Variants in NUP155 observed in about 807,000 individuals in gnomAD.
NUP155 encodes the protein nucleoporin 155.
Under a neutral mutation model 180.4 loss-of-function variants are expected in NUP155, and 71 were observed. The ratio of observed to expected loss-of-function variants is 0.39; its 90% CI spans 0.33 to 0.48. The LOEUF (loss-of-function observed/expected upper bound fraction) is 0.48. Among genes scored for constraint, NUP155 ranks in the 20% least tolerant of loss-of-function variants. The pLI, the probability that NUP155 is intolerant of heterozygous loss-of-function variation, is 0.91. For missense variants in NUP155, 1,553 were observed against 1,648.9 expected (o/e 0.94, Z 1.01); for synonymous variants, 582 against 559.5 (o/e 1.04, Z -0.57).
rs775035983 is a variant in NUP155 at position 37,324,044 on chromosome 5, C to G, written c.2155G>C (p.Glu719Gln). Residue 719 changes from glutamate to glutamine, a missense_variant, in exon 20 of 35, where the codon GAA becomes CAA. By Grantham distance (29) the Glu-to-Gln change is conservative (BLOSUM62 2). Transcript: ENST00000231498. ...SVLQELKGLQ[E>Q]FLDRNSQFAG... Reference sequence around the variant, plus strand: ...AACTGGGAGTTTCTGTCTAGAAATTCCTGCAAACCCTTTAGTTCTTGTAGC... The same window carrying G: ...AACTGGGAGTTTCTGTCTAGAAATTGCTGCAAACCCTTTAGTTCTTGTAGC... 3.1e-6 allele frequency: 5 copies of G among 1,613,730 alleles called. No individual in the cohort carries two copies. Among genetic ancestry groups the G allele is most frequent in the Admixed American group, 3.3e-5 (2 of 59,972 alleles).
chr5:37,370,516 T>C, intron 1 of NUP155: 1 of 577,700 alleles, frequency 1.7e-6, no homozygotes, highest in South Asian at 2.2e-5. Context: ...TGGAGATGCT[T>C]CTCATATGGC....
intron 7 of NUP155, among the ~76,000 whole-genome samples, chr5:37,349,793 T>C (rs13165088): frequency 0.14 from 21,148 of 152,206 alleles, 1,801 homozygotes; most frequent in East Asian, 0.3. Flanking sequence ...TCTCAGTTCA[T>C]TAAAAGCTAA....
chr5:37,303,601 T>A lies in NUP155; in HGVS notation c.3163-187A>T, dbSNP rs1742981125. ...TTTCTTATTATAAACAATTTTTGTT[T>A]TACCACAGTTAGCATAAGAGTTTCC... is the stretch of plus-strand genomic sequence containing the variant. On this transcript the variant is annotated intron_variant, in intron 27 of 34. Transcript: ENST00000231498. 2.6e-5 allele frequency among the ~76,000 whole-genome samples: 4 copies of A among 152,234 alleles called. No individual in the cohort carries two copies. The South Asian group carries it at 8.3e-4, about 31-fold the overall frequency.
At chr5:37,357,969 C>T in intron 4 of NUP155, 112 bp downstream of exon 4, 1 of 755,228 alleles carries the variant, frequency 1.3e-6, no homozygotes, top group Non-Finnish European at 2.4e-6. Flanking sequence ...CTCCAGCCTA[C>T]TCGATGGAAC....
chr5:37,342,274 T>A (rs1393130763), intron 10 of NUP155: 1 of 347,484 alleles, frequency 2.9e-6, no homozygotes, highest in East Asian at 6.5e-5. Context: ...CTTGAACTCC[T>A]GGGCTCAGGC....
chr5:37,288,747 T>TAAAAAAA lies in NUP155; in HGVS notation c.*3146_*3152dup, dbSNP rs1224427809. 6 of 61,632 alleles carry TAAAAAAA rather than the reference T, an allele frequency of 9.7e-5. No individual in the cohort carries two copies. The highest frequency in any genetic ancestry group is 2.7e-4 in the Admixed American group (1 of 3,670). 3.8% of individuals were successfully genotyped at this position (61,632 alleles called of 1,614,324 possible). A position where few individuals can be genotyped will look rare whatever the true frequency, so the allele number is the denominator to read the frequency against. On this transcript the variant is annotated 3_prime_UTR_variant, in exon 35 of 35. Coordinates refer to ENST00000231498, the MANE Select transcript of NUP155 (RefSeq NM_153485.3). ...GAGATCTTTTGGCTACACAAAAAATTAAAAAAAAAAAAAAAAAAAAAGTAG... is the reference window on the plus strand; with the variant it reads ...GAGATCTTTTGGCTACACAAAAAATTAAAAAAAAAAAAAAAAAAAAAAAAAAAAGTAG...
At chr5:37,320,389 A>G (rs1207430941) in intron 20 of NUP155, among the ~76,000 whole-genome samples, 1 of 152,236 alleles carries the variant, frequency 6.6e-6, no homozygotes, top group Non-Finnish European at 1.5e-5. Context: ...AGGCAGGAGC[A>G]TCGCTTGAAC....
chr5:37,336,183 T>C lies in NUP155; in HGVS notation c.1347+1635A>G, dbSNP rs560701979. Among the ~76,000 whole-genome samples the C allele has an allele frequency of 5.3e-5, 8 of 152,140 alleles. No individual in the cohort carries two copies. In the South Asian group the frequency reaches 1.7e-3, roughly 32 times the overall value. ...AAATTATATGACATGCAGCATTTGT[T>C]CTAAAAAAAAAGTTAGGTGGAGGAC... is the stretch of plus-strand genomic sequence containing the variant. On this transcript the variant is annotated intron_variant, in intron 12 of 34. Transcript: ENST00000231498.
intron 30 of NUP155, among the ~76,000 whole-genome samples, chr5:37,300,156 C>A (rs1167137074): frequency 6.6e-6 from 1 of 151,570 alleles, no homozygotes; most frequent in Admixed American, 6.6e-5. Context: ...TTCATTTTTT[C>A]AAATTTCTGT....
Position 37,370,991 on chromosome 5 carries a change from G to A in NUP155, c.-14C>T. 1.2e-6 allele frequency: 2 copies of A among 1,613,150 alleles called. No individual in the cohort carries two copies. The highest frequency in any genetic ancestry group is 1.7e-5 in the Admixed American group (1 of 60,016). On this transcript the variant is annotated 5_prime_UTR_variant, in exon 1 of 35. Transcript: ENST00000231498. ...AGAAGACGGCATCTCGGAAATCGTAGACACCAGGGTCCAGAAAAAGTCAAA... is the reference window on the plus strand; with the variant it reads ...AGAAGACGGCATCTCGGAAATCGTAAACACCAGGGTCCAGAAAAAGTCAAA...
intron 16 of NUP155, 42 bp downstream of exon 16, chr5:37,329,148 C>A: frequency 6.8e-7 from 1 of 1,464,614 alleles, no homozygotes; most frequent in South Asian, 1.1e-5. Flanking sequence ...TTCTAAGATT[C>A]AAACGATTAG....
intron 34 of NUP155, 96 bp downstream of exon 34, chr5:37,292,783 C>T (rs887517044): frequency 1.0e-5 from 8 of 780,944 alleles, no homozygotes; most frequent in East Asian, 4.9e-5. Context: ...CTAATATACA[C>T]AAGAATCTTC....
At chr5:37,321,891 T>A (rs1744270161) in intron 20 of NUP155, among the ~76,000 whole-genome samples, 1 of 152,210 alleles carries the variant, frequency 6.6e-6, no homozygotes, top group African/African-American at 2.4e-5. Flanking sequence ...GTTTCACTCT[T>A]GTTGCCCAGG....
At chr5:37,313,571 G>A (rs941214941) in intron 22 of NUP155, among the ~76,000 whole-genome samples, 4 of 151,952 alleles carry the variant, frequency 2.6e-5, no homozygotes, top group African/African-American at 9.6e-5. Context: ...CACCATCATG[G>A]CTAAGTGGCG....
rs73068449 is a variant in NUP155 at position 37,362,588 on chromosome 5, G to A, written c.392+1300C>T. Among the ~76,000 whole-genome samples the A allele has an allele frequency of 7.5e-3, 1,132 of 151,704 alleles. 18 individuals carry two copies. The highest frequency in any genetic ancestry group is 0.025 in the African/African-American group (1,043 of 41,472). ...CAGGCATGAGCCACCATGCCCAGCC[G>A]AAAACATATTTTAAAGAAAACAATT... On this transcript the variant is annotated intron_variant, in intron 3 of 34. Transcript: ENST00000231498.
chr5:37,315,626 G>A (rs577400370), intron 21 of NUP155, among the ~76,000 whole-genome samples: 1 of 150,078 alleles, frequency 6.7e-6, no homozygotes, highest in African/African-American at 2.5e-5. Context: ...TGGAACCCTT[G>A]TGCATTGCTA....
intron 9 of NUP155, among the ~76,000 whole-genome samples, chr5:37,343,895 G>C (rs1181383478): frequency 1.3e-5 from 2 of 151,492 alleles, no homozygotes; most frequent in South Asian, 2.1e-4. Flanking sequence ...TATCTCAAGG[G>C]GGAAAAAAAA....
rs1177041849 is a variant in NUP155, at chr5:37,308,461, G to A, written c.2767+668C>T. On this transcript the variant is annotated intron_variant, in intron 24 of 34. Coordinates refer to ENST00000231498, the MANE Select transcript of NUP155 (RefSeq NM_153485.3). The stretch of plus-strand genomic sequence containing the variant: ...CACCTGTAATCCCAGCGCTTTGGGA[G>A]GCTGAGGTGGGTGGATCATGAGGTC... Among the ~76,000 whole-genome samples the A allele has an allele frequency of 3.3e-5, 5 of 152,228 alleles. No homozygotes were observed. The South Asian group carries it at 1.0e-3, about 32-fold the overall frequency.
rs1042205028 is a variant in NUP155, at chr5:37,370,946, G to A, written c.32C>T (p.Pro11Leu). The change falls in exon 1 of 35, where the codon CCG (proline) becomes CTG (leucine). Residue 11 changes from proline (P) to leucine (L), a missense_variant. By Grantham distance (98) the Pro-to-Leu change is moderately conservative. Transcript: ENST00000231498. Reference sequence around the variant, plus strand: ...CAGGGCTGCGGCAGATGTAGAGGCCGGCATCGCCGCGCCCAACAAAGAAGA... The same window carrying A: ...CAGGGCTGCGGCAGATGTAGAGGCCAGCATCGCCGCGCCCAACAAAGAAGA... MPSSLLGAAM[P>L]ASTSAAALQE... 5 of 1,613,950 alleles carry A rather than the reference G, an allele frequency of 3.1e-6. No homozygotes were observed. The highest frequency in any genetic ancestry group is 2.7e-5 in the African/African-American group (2 of 74,938).
Sources: gnomAD v4.1 joint callset for allele counts (sites outside exome capture counted in the v4.1 genomes callset) on GRCh38, gnomAD v4.1.1 for gene constraint, MANE v1.5 for transcripts, NCBI Gene and HGNC (gene_info 2026-07-23, HGNC 2026-07-21) for gene names.